Variants in PROM2 observed in about 807,000 individuals in gnomAD.
PROM2 encodes prominin 2, also known as prominin-2.
A neutral mutation model predicts 110.2 loss-of-function variants in PROM2; 90 were observed. That is an observed-to-expected ratio of 0.82 (90% CI 0.69 to 0.97). The LOEUF is 0.97. PROM2 is among the 50% of genes least tolerant of loss of function. The pLI is 0.00. For synonymous variants in PROM2, 470 were observed against 467.8 expected (o/e 1.00, Z -0.06); for missense variants, 1,009 against 1,074.8 (o/e 0.94, Z 0.86).
intron 9 of PROM2, 34 bp downstream of exon 9, chr2:95,278,818 C>G (rs1676834977): frequency 6.2e-7 from 1 of 1,613,220 alleles, no homozygotes; most frequent in South Asian, 1.1e-5. Context: ...AGCTGCCAGG[C>G]ATGGCTTCCC....
intron 14 of PROM2, among the ~76,000 whole-genome samples, chr2:95,283,218 G>A (rs974578657): frequency 1.3e-5 from 2 of 152,226 alleles, no homozygotes; most frequent in African/African-American, 2.4e-5. Flanking sequence ...CTGGGCAGAG[G>A]AGCCCCCATC....
chr2:95,281,123 G>A, intron 11 of PROM2, 119 bp from the exon 12 acceptor site: 2 of 1,368,314 alleles, frequency 1.5e-6, no homozygotes, highest in South Asian at 2.8e-5. Context: ...TTCCTCTAAA[G>A]GCTCTGTGCT....
At chr2:95,274,989 G>C in intron 1 of PROM2, 160 bp downstream of exon 1, 1 of 888,116 alleles carries the variant, frequency 1.1e-6, no homozygotes, top group Non-Finnish European at 1.6e-6. Context: ...AGAACCTGCT[G>C]TGTGACTGTG....
At chr2:95,281,883 C>T (rs1439854450) in intron 12 of PROM2, 42 bp from the exon 13 acceptor site, 2 of 1,452,932 alleles carry the variant, frequency 1.4e-6, no homozygotes, top group Non-Finnish European at 9.7e-7. Context: ...TGGCCTTGCC[C>T]CCACCCCGCT....
rs766515604 is a variant in PROM2 at position 95,276,990 on chromosome 2, G to A, written c.701G>A (p.Gly234Glu). 2.0e-5 allele frequency: 31 copies of A among 1,550,544 alleles called. No homozygotes were observed. In the South Asian group the frequency reaches 3.5e-4, roughly 17 times the overall value. Residue 234 changes from glycine to glutamate, a missense_variant, in exon 6 of 24, where the codon GGG (glycine) becomes GAG (glutamate). Physicochemically the swap from Gly to Glu is moderately conservative, Grantham distance 98. Coordinates refer to ENST00000317620, the MANE Select transcript of PROM2 (RefSeq NM_001165978.3). The surrounding 1 kb of genome is among the most constrained non-coding windows in gnomAD (Gnocchi z 4.6). The stretch of plus-strand genomic sequence containing the variant: ...TCTGCAGGTGTTGGTGTGAGCATTG[G>A]GAGCGCGATCCACACTCAGCTCAGG... Reference protein sequence around the residue: ...EELDGVGVSIGSAIHTQLRSS... With the variant: ...EELDGVGVSIESAIHTQLRSS...
In PROM2 at chr2:95,287,213, T is replaced by C; in HGVS notation, c.2175T>C (p.Asn725=). The C allele has an allele frequency of 6.2e-7, 1 of 1,613,336 alleles. No individual in the cohort carries two copies. ...CCTGGGCAGCCAGGATCCTGAGGAA[T>C]GTGAGTGGTGGGTGGGACAGGGAAG... The part of the protein sequence containing the change: ...LPAWAARILR[N]VSECFLAREM... Residue 725 remains asparagine (N), a splice_region_variant and synonymous_variant, in exon 19 of 24, where the codon AAT becomes AAC. Transcript: ENST00000317620.
At chr2:95,286,602 C>T (rs867924640) in intron 17 of PROM2, 31 bp downstream of exon 17, 1 of 1,591,286 alleles carries the variant, frequency 6.3e-7, no homozygotes, top group Middle Eastern at 2.0e-4. Flanking sequence ...AGCCTGGGGC[C>T]TGGGGGAGGG....
intron 14 of PROM2, among the ~76,000 whole-genome samples, chr2:95,283,344 C>T (rs183600895): frequency 1.3e-5 from 2 of 152,342 alleles, no homozygotes; most frequent in Non-Finnish European, 2.9e-5. Context: ...GATTCAGATG[C>T]ACTGGGCAGT....
intron 14 of PROM2, among the ~76,000 whole-genome samples, chr2:95,283,295 G>A (rs1677155240): frequency 6.6e-6 from 1 of 152,202 alleles, no homozygotes; most frequent in Non-Finnish European, 1.5e-5. Flanking sequence ...GGCAGGGGAG[G>A]GTCCAGCTCA....
intron 13 of PROM2, 26 bp downstream of exon 13, chr2:95,282,042 G>A: frequency 1.9e-6 from 3 of 1,612,854 alleles, no homozygotes; most frequent in Non-Finnish European, 2.5e-6. Context: ...GGGCAGAGCT[G>A]GGACCGGGGA....
At chr2:95,274,887 T>C (rs1190928090) in intron 1 of PROM2, 58 bp downstream of exon 1, 1 of 1,485,590 alleles carries the variant, frequency 6.7e-7, no homozygotes, top group Admixed American at 2.2e-5. Flanking sequence ...CCCGGCTTCC[T>C]CTGTCCCACT....
rs1250329373 is a variant in PROM2, at chr2:95,286,816, C to A, written c.2053C>A (p.Leu685Ile). Residue 685 changes from leucine to isoleucine, a missense_variant, in exon 18 of 24, where the codon CTC (leucine) becomes ATC (isoleucine). By Grantham distance (5) the Leu-to-Ile change is conservative. Transcript: ENST00000317620. ...CTCTTCTCCACAGGCAAAGCTCAAC[C>A]TCAGCGTCAGGGCCCTGGAGTCCTC... is the stretch of plus-strand genomic sequence containing the variant. ...PQQSLVAKLNLSVRALESSAP... is the reference protein window; with the variant it reads ...PQQSLVAKLNISVRALESSAP... The A allele has an allele frequency of 1.5e-5, 24 of 1,613,600 alleles. No individual in the cohort carries two copies. The highest frequency in any genetic ancestry group is 2.0e-5 in the Non-Finnish European group (24 of 1,179,950).
At chr2:95,278,463 G>A (rs1676811668) in intron 8 of PROM2, 1 of 585,360 alleles carries the variant, frequency 1.7e-6, no homozygotes, top group Non-Finnish European at 3.1e-6. Context: ...CCTGGCAGTT[G>A]TGTGGAGGGC....
rs911436728 is a variant in PROM2 at position 95,276,993 on chromosome 2, G to A, written c.704G>A (p.Ser235Asn). The change falls in exon 6 of 24, where the codon AGC becomes AAC. Residue 235 changes from serine (S) to asparagine (N), a missense_variant. Ser to Asn is a conservative substitution (Grantham distance 46, BLOSUM62 1). Coordinates refer to ENST00000317620, the MANE Select transcript of PROM2 (RefSeq NM_001165978.3). This position sits in a 1 kb window ranked among gnomAD's most constrained non-coding sequence, Gnocchi z 4.6. ...GCAGGTGTTGGTGTGAGCATTGGGAGCGCGATCCACACTCAGCTCAGGAGC... is the reference window on the plus strand; with the variant it reads ...GCAGGTGTTGGTGTGAGCATTGGGAACGCGATCCACACTCAGCTCAGGAGC... ...ELDGVGVSIG[S>N]AIHTQLRSSV... 2 of 1,548,602 alleles carry A rather than the reference G, an allele frequency of 1.3e-6. No homozygotes were observed. Among genetic ancestry groups the A allele is most frequent in the East Asian group, 2.5e-5 (1 of 40,810 alleles).
At chr2:95,279,200 A>G (rs1298840631) in intron 10 of PROM2, 56 bp downstream of exon 10, 1 of 1,317,096 alleles carries the variant, frequency 7.6e-7, no homozygotes, top group South Asian at 1.5e-5. Context: ...CCCAGCCTCT[A>G]TGCCACCCTG....
Position 95,289,341 on chromosome 2 carries a change from C to T in PROM2, c.*128C>T, listed in dbSNP as rs151080363. On this transcript the variant is annotated 3_prime_UTR_variant, in exon 24 of 24. Transcript: ENST00000317620. ...TCCAGGCCTGGACTGTCCCCAGTTC[C>T]GGCTTACCTGGCCCCACCTTGCCTG... 1.0e-3 allele frequency: 348 copies of T among 332,022 alleles called. 2 individuals carry two copies. Among genetic ancestry groups the T allele is most frequent in the African/African-American group, 6.4e-3 (304 of 47,586 alleles). 20.6% of individuals were successfully genotyped at this position (332,022 alleles called of 1,614,324 possible).
chr2:95,285,857 G>C, intron 16 of PROM2, 147 bp downstream of exon 16: 2 of 738,400 alleles, frequency 2.7e-6, no homozygotes. Context: ...GGCTGGGCTG[G>C]AGGGTTTTGC....
intron 16 of PROM2, among the ~76,000 whole-genome samples, chr2:95,286,183 G>A (rs1193439699): frequency 6.6e-6 from 1 of 152,172 alleles, no homozygotes; most frequent in African/African-American, 2.4e-5. Flanking sequence ...CATCCCATAG[G>A]CCCCACAACA....
In PROM2 at chr2:95,275,978, C is replaced by A; in HGVS notation, c.343C>A (p.Leu115Ile). The change falls in exon 3 of 24, where the codon CTC becomes ATC. Residue 115 changes from leucine to isoleucine, a missense_variant. Leu to Ile is a conservative substitution (Grantham distance 5). Transcript: ENST00000317620. The surrounding 1 kb of genome is among the most constrained non-coding windows in gnomAD (Gnocchi z 4.4). ...CGTGGTATGCGCTGTGATCGCGGGC[C>A]TCTACCTGCTGCTGGTGCCCACTGC... is the stretch of plus-strand genomic sequence containing the variant. ...GYVVCAVIAG[L>I]YLLLVPTAGL... 1 of 1,612,404 alleles carries A rather than the reference C, an allele frequency of 6.2e-7. No homozygotes were observed. The highest frequency in any genetic ancestry group is 8.5e-7 in the Non-Finnish European group (1 of 1,179,848).
Sources: allele counts gnomAD v4.1 joint callset (sites outside exome capture counted in the v4.1 genomes callset), GRCh38; gene constraint gnomAD v4.1.1; non-coding constraint Gnocchi (gnomAD v3.1); transcripts MANE v1.5; gene names NCBI Gene and HGNC (gene_info 2026-07-23, HGNC 2026-07-21).